Variants in MSH3 observed in about 807,000 individuals in gnomAD.
MSH3 encodes mutS homolog 3.
In MSH3, 106 loss-of-function variants were observed where a neutral mutation model predicts 123.3. That is an observed-to-expected ratio of 0.86 (90% CI 0.73 to 1.01). MSH3 has a LOEUF of 1.01. MSH3 is among the 50% of genes least tolerant of loss of function. The pLI is 0.00. For synonymous variants in MSH3, 515 were observed against 481.4 expected, an observed-to-expected ratio of 1.07 and a Z score of -0.91; for missense variants, 1,459 against 1,347.6, an observed-to-expected ratio of 1.08 and a Z score of -1.29.
chr5:80,830,212 A>G (rs572754587), intron 20 of MSH3, among the ~76,000 whole-genome samples: 160 of 151,978 alleles, frequency 1.1e-3, no homozygotes, highest in African/African-American at 3.7e-3. Flanking sequence ...TTGATTTTCT[A>G]TTTCCAATTT....
chr5:80,706,660 A>G (rs1016781792), intron 8 of MSH3, among the ~76,000 whole-genome samples: 16 of 152,334 alleles, frequency 1.1e-4, no homozygotes, highest in Non-Finnish European at 2.1e-4. Flanking sequence ...TATAGAATAT[A>G]CTTTTTGAAG....
At chr5:80,765,946 T>G (rs529816019) in intron 13 of MSH3, among the ~76,000 whole-genome samples, 1 of 152,334 alleles carries the variant, frequency 6.6e-6, no homozygotes, top group East Asian at 1.9e-4. Flanking sequence ...TGGATTGGTA[T>G]AAAATTCTAG....
intron 2 of MSH3, among the ~76,000 whole-genome samples, chr5:80,660,724 A>G (rs375678723): frequency 1.5e-4 from 23 of 152,064 alleles, no homozygotes; most frequent in Non-Finnish European, 2.6e-4. Flanking sequence ...TCTCTTAATC[A>G]CTGATTTTCA....
At chr5:80,741,571 T>G in intron 11 of MSH3, 23 bp downstream of exon 11, 1 of 1,547,570 alleles carries the variant, frequency 6.5e-7, no homozygotes, top group Non-Finnish European at 8.9e-7. Flanking sequence ...CAAGGGCTAG[T>G]TGATTATAAA....
chr5:80,833,126 G>A (rs1283347187), intron 20 of MSH3, among the ~76,000 whole-genome samples: 3 of 152,022 alleles, frequency 2.0e-5, no homozygotes, highest in South Asian at 2.1e-4. Context: ...CTATATAAGG[G>A]TTATAGGCGA....
chr5:80,817,474 CTTG>C (rs1745126024), intron 20 of MSH3, among the ~76,000 whole-genome samples: 1 of 152,028 alleles, frequency 6.6e-6, no homozygotes, highest in African/African-American at 2.4e-5. Flanking sequence ...CAGTGAGGGA[CTTG>C]TTTTTTGTTT....
intron 23 of MSH3, among the ~76,000 whole-genome samples, chr5:80,875,348 C>T (rs747237953): frequency 3.2e-4 from 49 of 152,098 alleles, no homozygotes; most frequent in Admixed American, 9.2e-4. Context: ...GTTATGCTGG[C>T]GTTTTACTCT....
At chr5:80,732,552 G>C (rs1369744413) in intron 10 of MSH3, among the ~76,000 whole-genome samples, 1 of 151,954 alleles carries the variant, frequency 6.6e-6, no homozygotes, top group Non-Finnish European at 1.5e-5. Context: ...ACATTATTTG[G>C]CTCCAAATTT....
At chr5:80,850,949 T>C (rs1745820719) in intron 20 of MSH3, among the ~76,000 whole-genome samples, 1 of 152,198 alleles carries the variant, frequency 6.6e-6, no homozygotes, top group African/African-American at 2.4e-5. Flanking sequence ...CAATAGGTCC[T>C]TTTTCTAGCA....
chr5:80,801,746 G>A (rs1744794227), intron 19 of MSH3, among the ~76,000 whole-genome samples: 1 of 152,028 alleles, frequency 6.6e-6, no homozygotes, highest in Non-Finnish European at 1.5e-5. Flanking sequence ...TCCACCCAGG[G>A]CCACATATTC....
At chr5:80,681,929 T>C (rs189101391) in intron 8 of MSH3, among the ~76,000 whole-genome samples, 1 of 152,218 alleles carries the variant, frequency 6.6e-6, no homozygotes, top group Non-Finnish European at 1.5e-5. Flanking sequence ...TTTTACCAAA[T>C]TTAATGCCTG....
chr5:80,706,089 A>G (rs1448899719), intron 8 of MSH3, among the ~76,000 whole-genome samples: 1 of 152,192 alleles, frequency 6.6e-6, no homozygotes, highest in East Asian at 1.9e-4. Flanking sequence ...TTATTTGTAT[A>G]TACTTTTTTA....
chr5:80,799,500 C>CTTTTTTTTTTTT (rs746348952), intron 19 of MSH3, among the ~76,000 whole-genome samples: 6 of 32,324 alleles, frequency 1.9e-4, no homozygotes, highest in Admixed American at 5.5e-4. Context: ...GAAGATAGCA[C>CTTTTTTTTTTTT]TTTTTTTTTT....
intron 19 of MSH3, among the ~76,000 whole-genome samples, chr5:80,798,813 C>T (rs1348339015): frequency 6.6e-6 from 1 of 152,200 alleles, no homozygotes; most frequent in South Asian, 2.1e-4. Context: ...GCCCTCCCCT[C>T]TCTTCTTATC....
intron 3 of MSH3, among the ~76,000 whole-genome samples, chr5:80,669,601 A>C (rs905474507): frequency 2.6e-5 from 4 of 152,134 alleles, no homozygotes; most frequent in South Asian, 2.1e-4. Context: ...CTTTCTTTCT[A>C]TAAGAATTTA....
intron 8 of MSH3, among the ~76,000 whole-genome samples, chr5:80,702,436 G>A (rs753592294): frequency 6.6e-6 from 1 of 152,212 alleles, no homozygotes; most frequent in Non-Finnish European, 1.5e-5. Context: ...ACACCACAGG[G>A]TTAGTCCTTA....
chr5:80,778,118 C>T (rs1359247266), intron 16 of MSH3, among the ~76,000 whole-genome samples: 1 of 152,164 alleles, frequency 6.6e-6, no homozygotes, highest in East Asian at 1.9e-4. Flanking sequence ...TGTGCTCTAG[C>T]TACTGAACAG....
rs567055177 is a variant in MSH3 at position 80,763,394 on chromosome 5, A to G, written c.1896+1716A>G. On this transcript the variant is annotated intron_variant, in intron 13 of 23. Coordinates refer to ENST00000265081, the MANE Select transcript of MSH3 (RefSeq NM_002439.5). ...AGTTGGTTATGGGGCCGGGGAGCCT[A>G]TTGCATCATTATTGGGTACACCATG... is the stretch of plus-strand genomic sequence containing the variant. 1.3e-3 allele frequency among the ~76,000 whole-genome samples: 204 copies of G among 152,308 alleles called. 1 individual carries two copies. The highest frequency in any genetic ancestry group is 2.5e-3 in the Non-Finnish European group (172 of 68,020).
At chr5:80,819,396 GTGTATATATGTGTGTATATA>G (rs1221954172) in intron 20 of MSH3, among the ~76,000 whole-genome samples, 54 of 148,844 alleles carry the variant, frequency 3.6e-4, no homozygotes, top group Non-Finnish European at 6.7e-4. Context: ...ATGTATATAT[GTGTATATATGTGTGTATATA>G]TGTATATATG....
Sources: gnomAD v4.1 joint callset for allele counts (sites outside exome capture counted in the v4.1 genomes callset) on GRCh38, gnomAD v4.1.1 for gene constraint, MANE v1.5 for transcripts, NCBI Gene and HGNC (gene_info 2026-07-23, HGNC 2026-07-21) for gene names.